The following PCDHGC4 variants were observed in gnomAD, a reference collection of about 807,000 sequenced individuals.
PCDHGC4 encodes protocadherin gamma-C4.
In PCDHGC4, 15 loss-of-function variants were observed where a neutral mutation model predicts 59.7. The observed-to-expected ratio is 0.25, with a 90% confidence interval of 0.17 to 0.39. The LOEUF is 0.39. PCDHGC4 is among the 10% of genes least tolerant of loss of function. PCDHGC4 has a pLI of 1.00. For missense variants in PCDHGC4, 1,016 were observed against 1,189.5 expected (o/e 0.85, Z 2.15); for synonymous variants, 434 against 481.4 (o/e 0.90, Z 1.29).
At position 141,485,480 on chromosome 5, in the gene PCDHGC4, A is replaced by G. The variant is rs535194185; in HGVS notation, c.307A>G (p.Ile103Val). Residue 103 changes from isoleucine (I) to valine (V), a missense_variant, in exon 1 of 4, where the codon ATC becomes GTC. Physicochemically the swap from Ile to Val is conservative, Grantham distance 29. Transcript: ENST00000306593. The surrounding 1 kb of genome is among the most constrained non-coding windows in gnomAD (Gnocchi z 5.7). ...EALCGLSASC[I>V]VPLEFVTEGP... Reference sequence around the variant, plus strand: ...ACTGTGTGGGCTCAGTGCCAGCTGCATCGTGCCCCTGGAGTTTGTCACCGA... The same window carrying G: ...ACTGTGTGGGCTCAGTGCCAGCTGCGTCGTGCCCCTGGAGTTTGTCACCGA... The G allele has an allele frequency of 2.5e-6, 4 of 1,614,154 alleles. No individual in the cohort carries two copies. The South Asian group carries it at 3.3e-5, about 13-fold the overall frequency.
At chr5:141,505,583 T>C (rs2099846941) in intron 3 of PCDHGC4, 102 bp downstream of exon 3, 3 of 1,583,532 alleles carry the variant, frequency 1.9e-6, no homozygotes, top group Non-Finnish European at 2.6e-6. Flanking sequence ...ACCTGTGTAG[T>C]TTCTCCAGAT....
At position 141,511,963 on chromosome 5, in the gene PCDHGC4, AGT is replaced by A. The variant is rs1204123000; in HGVS notation, c.*796_*797del. On this transcript the variant is annotated 3_prime_UTR_variant, in exon 4 of 4. Transcript: ENST00000306593. ...ATGGGGTGGTAAGATAAGGAAGGGA[AGT>A]GTGTGGATGTGGATGGTGGGGGCAT... 1 of 153,636 alleles carries A rather than the reference AGT, an allele frequency of 6.5e-6. No individual in the cohort carries two copies. 9.5% of individuals were successfully genotyped at this position (153,636 alleles called of 1,614,324 possible).
rs1272694679 is a variant in PCDHGC4, at chr5:141,486,884, C to T, written c.1711C>T (p.Arg571Trp). 7 of 1,614,106 alleles carry T rather than the reference C, an allele frequency of 4.3e-6. No individual in the cohort carries two copies. The highest frequency in any genetic ancestry group is 1.1e-5 in the South Asian group (1 of 91,082). ...NAPAVLRPRA[R>W]PGSLCPQALP... ...TCCAGCTGTGCTCCGTCCTCGGGCC[C>T]GGCCTGGTTCCTTATGTCCCCAAGC... Residue 571 changes from arginine (R) to tryptophan (W), a missense_variant, in exon 1 of 4, where the codon CGG becomes TGG. Physicochemically the swap from Arg to Trp is moderately radical, Grantham distance 101. Coordinates refer to ENST00000306593, the MANE Select transcript of PCDHGC4 (RefSeq NM_018928.3). The surrounding 1 kb of genome is among the most constrained non-coding windows in gnomAD (Gnocchi z 5.0).
At chr5:141,496,808 G>A (rs1387209844) in intron 2 of PCDHGC4, among the ~76,000 whole-genome samples, 3 of 151,736 alleles carry the variant, frequency 2.0e-5, no homozygotes, top group South Asian at 4.2e-4. Flanking sequence ...GGCTATAGGA[G>A]TGAACAAGTA....
At chr5:141,498,826 A>G (rs1186868890) in intron 2 of PCDHGC4, among the ~76,000 whole-genome samples, 1 of 152,006 alleles carries the variant, frequency 6.6e-6, no homozygotes, top group African/African-American at 2.4e-5. Context: ...CCAGCTACTC[A>G]GGAGGCTGAG....
rs771411620 is a variant in PCDHGC4, at chr5:141,485,551, G to A, written c.378G>A (p.Val126=). ...MYRAEVEIVD[V]NDHAPRFPRQ... ...GAGCAGAGGTAGAGATCGTAGATGT[G>A]AATGATCACGCCCCCCGTTTTCCGC... Residue 126 remains valine (V), a synonymous_variant, in exon 1 of 4, where the codon GTG becomes GTA. Transcript: ENST00000306593. This position sits in a 1 kb window ranked among gnomAD's most constrained non-coding sequence, Gnocchi z 5.7. 1.9e-6 allele frequency: 3 copies of A among 1,613,958 alleles called. No individual in the cohort carries two copies. Among genetic ancestry groups the A allele is most frequent in the Admixed American group, 1.7e-5 (1 of 60,006 alleles).
At chr5:141,509,216 T>C (rs2099875781) in intron 3 of PCDHGC4, among the ~76,000 whole-genome samples, 1 of 152,124 alleles carries the variant, frequency 6.6e-6, no homozygotes, top group South Asian at 2.1e-4. Flanking sequence ...TATTTCTCAA[T>C]CCCTGGTTGA....
At chr5:141,497,142 C>T (rs1316569011) in intron 2 of PCDHGC4, among the ~76,000 whole-genome samples, 2 of 149,678 alleles carry the variant, frequency 1.3e-5, no homozygotes, top group South Asian at 2.1e-4. Context: ...GCTGAGATCA[C>T]GAAAAAAAAA....
Position 141,486,239 on chromosome 5 carries a change from C to G in PCDHGC4, c.1066C>G (p.Leu356Val), listed in dbSNP as rs751510109. Residue 356 changes from leucine (L) to valine (V), a missense_variant, in exon 1 of 4, where the codon CTT becomes GTT. Leu to Val is a conservative substitution (Grantham distance 32, BLOSUM62 1). Transcript: ENST00000306593. The surrounding 1 kb of genome is among the most constrained non-coding windows in gnomAD (Gnocchi z 5.0). Reference protein sequence around the residue: ...NAPYITVTSELGTLPESAEPG... With the variant: ...NAPYITVTSEVGTLPESAEPG... ...CCCTTACATCACAGTGACCTCAGAG[C>G]TTGGAACCCTCCCCGAGAGTGCAGA... 6.2e-7 allele frequency: 1 copy of G among 1,614,160 alleles called. No individual in the cohort carries two copies. Among genetic ancestry groups the G allele is most frequent in the Admixed American group, 1.7e-5 (1 of 60,020 alleles).
At chr5:141,492,382 T>C (rs71583650) in intron 1 of PCDHGC4, among the ~76,000 whole-genome samples, 2,103 of 152,322 alleles carry the variant, frequency 0.014, 36 homozygotes, top group African/African-American at 0.031. Flanking sequence ...ACAGGCCTGT[T>C]CCGGTCCACT....
chr5:141,491,795 C>G lies in PCDHGC4; in HGVS notation c.2443-3012C>G. The G allele has an allele frequency of 6.6e-7, 1 of 1,511,694 alleles. No individual in the cohort carries two copies. The highest frequency in any genetic ancestry group is 8.8e-7 in the Non-Finnish European group (1 of 1,130,430). The allele number at this position is 1,511,694 out of a possible 1,614,324, so 93.6% of individuals were successfully genotyped here. On this transcript the variant is annotated intron_variant, in intron 1 of 3. Transcript: ENST00000306593. The surrounding 1 kb of genome is among the most constrained non-coding windows in gnomAD (Gnocchi z 6.9). ...GGATTGAACTTGCATCCACTCCTCT[C>G]CGGCCGGCTTGGTCGCTGGCTGCGC...
At position 141,487,152 on chromosome 5, in the gene PCDHGC4, C is replaced by T. The variant is rs772254681; in HGVS notation, c.1979C>T (p.Thr660Ile). The change falls in exon 1 of 4, where the codon ACT becomes ATT. Residue 660 changes from threonine to isoleucine, a missense_variant. Coordinates refer to ENST00000306593, the MANE Select transcript of PCDHGC4 (RefSeq NM_018928.3). The surrounding 1 kb of genome is among the most constrained non-coding windows in gnomAD (Gnocchi z 5.0). ...AGTCCACCACTCTCTACCTCTGTTA[C>T]TCTCTTAGTGTCCTTAGAGGAAGAC... Reference protein sequence around the residue: ...SGSPPLSTSVTLLVSLEEDTH... With the variant: ...SGSPPLSTSVILLVSLEEDTH... 3.7e-6 allele frequency: 6 copies of T among 1,613,860 alleles called. No homozygotes were observed. Among genetic ancestry groups the T allele is most frequent in the Non-Finnish European group, 5.1e-6 (6 of 1,179,828 alleles).
intron 2 of PCDHGC4, among the ~76,000 whole-genome samples, chr5:141,495,279 G>C (rs72790069): frequency 0.027 from 4,092 of 152,256 alleles, 88 homozygotes; most frequent in Middle Eastern, 0.048. Flanking sequence ...CGGAGGAGGC[G>C]GTCCGCACTC....
chr5:141,491,126 G>A lies in PCDHGC4; in HGVS notation c.2442+3511G>A, dbSNP rs768294944. 1.4e-5 allele frequency: 23 copies of A among 1,613,978 alleles called. No individual in the cohort carries two copies. In the East Asian group the frequency reaches 3.1e-4, roughly 22 times the overall value. On this transcript the variant is annotated intron_variant, in intron 1 of 3. Transcript: ENST00000306593. This position sits in a 1 kb window ranked among gnomAD's most constrained non-coding sequence, Gnocchi z 6.9. ...GTGTCTACACACACTGGTGAGGTGCGCACAGCCCGGGCCTTACTGGAGGAT... is the reference window on the plus strand; with the variant it reads ...GTGTCTACACACACTGGTGAGGTGCACACAGCCCGGGCCTTACTGGAGGAT...
Position 141,486,200 on chromosome 5 carries a change from G to A in PCDHGC4, c.1027G>A (p.Val343Ile), listed in dbSNP as rs764874531. ...HCSLRVDLLDVNDNAPYITVT... is the reference protein window; with the variant it reads ...HCSLRVDLLDINDNAPYITVT... The stretch of plus-strand genomic sequence containing the variant: ...CAGCCTTCGAGTGGATCTGCTGGAC[G>A]TAAATGACAATGCCCCTTACATCAC... Residue 343 changes from valine to isoleucine, a missense_variant, in exon 1 of 4, where the codon GTA (valine) becomes ATA (isoleucine). Transcript: ENST00000306593. The surrounding 1 kb of genome is among the most constrained non-coding windows in gnomAD (Gnocchi z 5.0). The A allele has an allele frequency of 2.0e-5, 32 of 1,614,096 alleles. No homozygotes were observed. Among genetic ancestry groups the A allele is most frequent in the Non-Finnish European group, 2.3e-5 (27 of 1,180,040 alleles).
intron 3 of PCDHGC4, 110 bp from the exon 4 acceptor site, chr5:141,510,837 G>A (rs969654751): frequency 1.3e-6 from 2 of 1,586,392 alleles, no homozygotes; most frequent in Non-Finnish European, 8.6e-7. Context: ...GCTCAGCGTG[G>A]TCAAGGCCCA....
intron 2 of PCDHGC4, among the ~76,000 whole-genome samples, chr5:141,495,700 T>A (rs2099763052): frequency 6.6e-6 from 1 of 152,228 alleles, no homozygotes; most frequent in Non-Finnish European, 1.5e-5. Flanking sequence ...GCTCAATAAA[T>A]GTGGAGTGAG....
rs1374190670 is a variant in PCDHGC4 at position 141,487,196 on chromosome 5, G to C, written c.2023G>C (p.Asp675His). ...LEEDTHPVVPDLRESSAPREG... is the reference protein window; with the variant it reads ...LEEDTHPVVPHLRESSAPREG... ...GGAAGACACTCATCCAGTTGTCCCAGATCTTCGAGAATCTTCAGCTCCAAG... is the reference window on the plus strand; with the variant it reads ...GGAAGACACTCATCCAGTTGTCCCACATCTTCGAGAATCTTCAGCTCCAAG... The change falls in exon 1 of 4, where the codon GAT becomes CAT. Residue 675 changes from aspartate (D) to histidine (H), a missense_variant. Coordinates refer to ENST00000306593, the MANE Select transcript of PCDHGC4 (RefSeq NM_018928.3). The surrounding 1 kb of genome is among the most constrained non-coding windows in gnomAD (Gnocchi z 5.0). 6.2e-7 allele frequency: 1 copy of C among 1,613,878 alleles called. No homozygotes were observed. Among genetic ancestry groups the C allele is most frequent in the Admixed American group, 1.7e-5 (1 of 60,030 alleles).
intron 3 of PCDHGC4, among the ~76,000 whole-genome samples, chr5:141,506,300 T>G (rs2099852124): frequency 6.6e-6 from 1 of 151,976 alleles, no homozygotes; most frequent in East Asian, 1.9e-4. Flanking sequence ...AATACAAAAA[T>G]TAGCTGGGCA....
Sources: allele counts gnomAD v4.1 joint callset (sites outside exome capture counted in the v4.1 genomes callset), GRCh38; gene constraint gnomAD v4.1.1; non-coding constraint Gnocchi (gnomAD v3.1); transcripts MANE v1.5; gene names NCBI Gene and HGNC (gene_info 2026-07-23, HGNC 2026-07-21).